The following PAK5 variants were observed in gnomAD, a reference collection of about 807,000 sequenced individuals.
PAK5 encodes the protein serine/threonine-protein kinase PAK 5.
Under a neutral mutation model 65.9 loss-of-function variants are expected in PAK5, and 16 were observed. The observed-to-expected ratio is 0.24, with a 90% CI of 0.16 to 0.37. The LOEUF is 0.37. Ranked by LOEUF, PAK5 falls within the 10% of genes least tolerant of loss-of-function variation. The probability of loss-of-function intolerance (pLI) is 1.00; values close to 1 mark genes in which losing one functional copy is unlikely to be tolerated. For synonymous variants in PAK5, 371 were observed against 354.9 expected (o/e 1.05, Z -0.51); for missense variants, 785 against 903.9 (o/e 0.87, Z 1.69).
rs117718015 is a variant in PAK5 at position 9,687,330 on chromosome 20, C to T, written c.-12+23956G>A. Among the ~76,000 whole-genome samples the T allele has an allele frequency of 4.2e-3, 639 of 152,312 alleles. 5 individuals carry two copies. The highest frequency in any genetic ancestry group is 6.2e-3 in the Non-Finnish European group (422 of 68,026). On this transcript the variant is annotated intron_variant, in intron 2 of 9. Coordinates refer to ENST00000353224, the MANE Select transcript of PAK5 (RefSeq NM_177990.4). ...TTTTAGGAAGCTTGAGTCACATCAT[C>T]CCTCCTGGATATCTTCAAATGACAC...
intron 1 of PAK5, among the ~76,000 whole-genome samples, chr20:9,802,385 C>G (rs979033301): frequency 6.6e-6 from 1 of 152,026 alleles, no homozygotes; most frequent in Non-Finnish European, 1.5e-5. Context: ...GGCATATGAA[C>G]AATGATAAAC....
At chr20:9,616,854 A>G (rs1281840896) in intron 3 of PAK5, among the ~76,000 whole-genome samples, 1 of 152,216 alleles carries the variant, frequency 6.6e-6, no homozygotes, top group Non-Finnish European at 1.5e-5. Flanking sequence ...AGTCTGTCCC[A>G]CAATGCCAGT....
At chr20:9,722,327 A>C (rs2048224830) in intron 1 of PAK5, among the ~76,000 whole-genome samples, 1 of 152,120 alleles carries the variant, frequency 6.6e-6, no homozygotes, top group Admixed American at 6.5e-5. Flanking sequence ...AGTGGTATAA[A>C]AACAAGGCAA....
Position 9,640,006 on chromosome 20 carries a change from A to C in PAK5, c.204+4119T>G, listed in dbSNP as rs111995469. ...ATACTTTGTCCTAACCAAATAATGC[A>C]TACACTCTAACAAGACGGCACATGT... On this transcript the variant is annotated intron_variant, in intron 3 of 9. Coordinates refer to ENST00000353224, the MANE Select transcript of PAK5 (RefSeq NM_177990.4). Among the ~76,000 whole-genome samples, 1,186 of 152,308 alleles carry C rather than the reference A, an allele frequency of 7.8e-3. 17 individuals are homozygous for C. The highest frequency in any genetic ancestry group is 0.027 in the African/African-American group (1,104 of 41,564).
intron 1 of PAK5, among the ~76,000 whole-genome samples, chr20:9,740,098 G>A (rs749217600): frequency 6.6e-6 from 1 of 152,176 alleles, no homozygotes; most frequent in African/African-American, 2.4e-5. Context: ...ATAGGGAAAA[G>A]GAATTAAAAG....
intron 1 of PAK5, among the ~76,000 whole-genome samples, chr20:9,836,290 A>C (rs529180825): frequency 6.6e-6 from 1 of 152,330 alleles, no homozygotes; most frequent in Non-Finnish European, 1.5e-5. Context: ...GAACCTGTGA[A>C]TATGACGTTT....
chr20:9,539,309 C>A lies in PAK5; in HGVS notation c.*153G>T, dbSNP rs530938858. 3.4e-5 allele frequency: 23 copies of A among 683,006 alleles called. No homozygotes were observed. The highest frequency in any genetic ancestry group is 2.0e-4 in the East Asian group (8 of 39,902). The allele number at this position is 683,006 out of a possible 1,614,324, so 42.3% of individuals were successfully genotyped here. On this transcript the variant is annotated 3_prime_UTR_variant, in exon 10 of 10. Coordinates refer to ENST00000353224, the MANE Select transcript of PAK5 (RefSeq NM_177990.4). Reference sequence around the variant, plus strand: ...TGCCTGTTTAAGACACAAGAAGATGCCCTGGTCTGTTGAACCCTGCCGGTC... The same window carrying A: ...TGCCTGTTTAAGACACAAGAAGATGACCTGGTCTGTTGAACCCTGCCGGTC...
chr20:9,719,736 G>A (rs757264858), intron 1 of PAK5, among the ~76,000 whole-genome samples: 39 of 152,086 alleles, frequency 2.6e-4, no homozygotes, highest in Non-Finnish European at 1.0e-4. Context: ...TGACTACATT[G>A]TTCTGCCTCT....
intron 1 of PAK5, among the ~76,000 whole-genome samples, chr20:9,805,761 G>A (rs2049224209): frequency 6.6e-6 from 1 of 152,132 alleles, no homozygotes. Context: ...TTCTGATAAT[G>A]GGCATAGAAT....
At chr20:9,642,161 G>T (rs899939460) in intron 3 of PAK5, among the ~76,000 whole-genome samples, 1 of 152,224 alleles carries the variant, frequency 6.6e-6, no homozygotes, top group African/African-American at 2.4e-5. Flanking sequence ...CTCACTTTGG[G>T]TATATACCCA....
intron 1 of PAK5, among the ~76,000 whole-genome samples, chr20:9,728,192 C>G (rs916722560): frequency 6.6e-6 from 1 of 152,034 alleles, no homozygotes; most frequent in African/African-American, 2.4e-5. Flanking sequence ...CCTTCCACCA[C>G]ATGAAGACAC....
chr20:9,671,272 C>T (rs960903212), intron 2 of PAK5, among the ~76,000 whole-genome samples: 23 of 152,180 alleles, frequency 1.5e-4, no homozygotes, highest in African/African-American at 4.1e-4. Context: ...TTTTTCATTC[C>T]ATATGAACTT....
chr20:9,588,765 C>CCATG (rs2059778510), intron 3 of PAK5, among the ~76,000 whole-genome samples: 1 of 152,134 alleles, frequency 6.6e-6, no homozygotes, highest in African/African-American at 2.4e-5. Context: ...GGATTTTATG[C>CCATG]CATGGAACCT....
chr20:9,784,749 A>G, intron 1 of PAK5, among the ~76,000 whole-genome samples: 1 of 151,864 alleles, frequency 6.6e-6, no homozygotes, highest in Non-Finnish European at 1.5e-5. Flanking sequence ...GATGGATCGT[A>G]TTCTCTGTGA....
At chr20:9,582,411 T>C (rs952507846) in intron 3 of PAK5, among the ~76,000 whole-genome samples, 1 of 152,198 alleles carries the variant, frequency 6.6e-6, no homozygotes, top group Non-Finnish European at 1.5e-5. Flanking sequence ...GTTTTTCCCA[T>C]GTTTAAACAG....
At chr20:9,729,997 G>GAA (rs760289697) in intron 1 of PAK5, among the ~76,000 whole-genome samples, 14 of 82,216 alleles carry the variant, frequency 1.7e-4, no homozygotes, top group South Asian at 4.9e-4. Flanking sequence ...GGGCAACAGG[G>GAA]AAAAAAAAAA....
intron 3 of PAK5, among the ~76,000 whole-genome samples, chr20:9,643,876 C>T (rs952773092): frequency 6.6e-6 from 1 of 152,132 alleles, no homozygotes; most frequent in South Asian, 2.1e-4. Flanking sequence ...TAAAAATGTC[C>T]TATTTTGTGA....
rs58703748 is a variant in PAK5, at chr20:9,796,969, T to A, written c.-162+41793A>T. Among the ~76,000 whole-genome samples the A allele has an allele frequency of 6.8e-4, 104 of 152,096 alleles. No individual in the cohort carries two copies. The East Asian group carries it at 0.015, about 23-fold the overall frequency. ...AGATCCCTGAGGAATCGCCACACTG[T>A]CTTCCACAATGGTTGAACTAGTTTA... On this transcript the variant is annotated intron_variant, in intron 1 of 9. Transcript: ENST00000353224.
At chr20:9,835,827 T>C (rs1453888383) in intron 1 of PAK5, among the ~76,000 whole-genome samples, 1 of 152,186 alleles carries the variant, frequency 6.6e-6, no homozygotes, top group Non-Finnish European at 1.5e-5. Context: ...ACTCGATGGA[T>C]AGTGGTGCCA....
Sources: allele counts gnomAD v4.1 joint callset (sites outside exome capture counted in the v4.1 genomes callset), GRCh38; gene constraint gnomAD v4.1.1; transcripts MANE v1.5; gene names NCBI Gene and HGNC (gene_info 2026-07-23, HGNC 2026-07-21).